KDM3B: variants seen among roughly 807,000 people sequenced by gnomAD.
KDM3B encodes lysine demethylase 3B, also known as lysine-specific demethylase 3B.
Under a neutral mutation model 170.0 loss-of-function variants are expected in KDM3B, and 10 were observed. The ratio of observed to expected loss-of-function variants is 0.06; its 90% CI spans 0.04 to 0.10. The LOEUF is 0.10. KDM3B is among the 10% of genes least tolerant of loss of function. The pLI, the probability that KDM3B is intolerant of heterozygous loss-of-function variation, is 1.00. For missense variants in KDM3B, 1,394 were observed against 2,195.2 expected (o/e 0.64, Z 7.29); for synonymous variants, 831 against 834.8 (o/e 1.00, Z 0.08).
intron 6 of KDM3B, among the ~76,000 whole-genome samples, chr5:138,383,576 A>G (rs1331120044): frequency 6.6e-6 from 1 of 152,240 alleles, no homozygotes; most frequent in East Asian, 1.9e-4. Flanking sequence ...TTAGAGATCC[A>G]TGATCACCTC....
intron 1 of KDM3B, among the ~76,000 whole-genome samples, chr5:138,360,522 TTG>T (rs55976818): frequency 0.4 from 55,160 of 137,700 alleles, 11,364 homozygotes; most frequent in East Asian, 0.78. Flanking sequence ...TAAAAAAAGA[TTG>T]TGTGTGTGTG....
rs914584814 is a variant in KDM3B at position 138,386,541 on chromosome 5, G to A, written c.1300G>A (p.Val434Met). The change falls in exon 7 of 24, where the codon GTG (valine) becomes ATG (methionine). Residue 434 changes from valine to methionine, a missense_variant. Around this residue, in one of 19 missense-constraint regions of KDM3B, gnomAD observed 205 missense variants for 227.6 expected, o/e 0.90. Coordinates refer to ENST00000314358, the MANE Select transcript of KDM3B (RefSeq NM_016604.4). ...VTTASSTPNTVRISDTGLAAG... is the reference protein window; with the variant it reads ...VTTASSTPNTMRISDTGLAAG... ...TACCGCCAGCTCCACCCCAAACACA[G>A]TGAGGATCTCAGACACTGGCCTTGC... The A allele has an allele frequency of 1.2e-6, 2 of 1,614,112 alleles. No individual in the cohort carries two copies. Among genetic ancestry groups the A allele is most frequent in the African/African-American group, 2.7e-5 (2 of 74,942 alleles).
chr5:138,420,932 CT>C lies in KDM3B; in HGVS notation c.3945del (p.Pro1317ArgfsTer10). On this transcript the variant is annotated frameshift_variant, in exon 15 of 24. Transcript: ENST00000314358. LOFTEE classifies it high-confidence loss of function. ...PQTPLDTGIP[F>X]PPVFSTSSAG... ...AAACCCCCTTGGACACAGGCATACC[CT>C]TTCCCCCGGTCTTCTCTACATCCTC... 1 of 1,614,040 alleles carries C rather than the reference CT, an allele frequency of 6.2e-7. No homozygotes were observed. Among genetic ancestry groups the C allele is most frequent in the Non-Finnish European group, 8.5e-7 (1 of 1,179,928 alleles).
intron 6 of KDM3B, among the ~76,000 whole-genome samples, chr5:138,384,016 G>A (rs111533661): frequency 0.01 from 1,586 of 151,462 alleles, 35 homozygotes; most frequent in African/African-American, 0.037. Context: ...CAACACTTTG[G>A]GAGGCCGAGG....
At chr5:138,389,377 G>T (rs538174093) in intron 7 of KDM3B, among the ~76,000 whole-genome samples, 44 of 152,190 alleles carry the variant, frequency 2.9e-4, no homozygotes, top group Middle Eastern at 3.4e-3. Context: ...TTAAAGAATA[G>T]TTTAATTAAA....
In KDM3B at chr5:138,391,123, C is replaced by T; in HGVS notation, c.1491C>T (p.Ala497=). 6.2e-7 allele frequency: 1 copy of T among 1,614,118 alleles called. No homozygotes were observed. ...SGRSQSNGVL[A]TENKPLGFSF... ...GGAGCCAGTCCAATGGTGTTCTAGC[C>T]ACAGAGAACAAACCTTTGGGCTTCT... The change falls in exon 8 of 24, where the codon GCC becomes GCT. Residue 497 remains alanine (A), a synonymous_variant. Coordinates refer to ENST00000314358, the MANE Select transcript of KDM3B (RefSeq NM_016604.4). The surrounding 1 kb of genome is among the most constrained non-coding windows in gnomAD (Gnocchi z 5.0).
At chr5:138,400,556 G>A (rs1762657482) in intron 11 of KDM3B, among the ~76,000 whole-genome samples, 1 of 151,960 alleles carries the variant, frequency 6.6e-6, no homozygotes, top group African/African-American at 2.4e-5. Context: ...GACCAGTCTG[G>A]GTAACACAGC....
chr5:138,374,906 A>AG (rs1226261463), intron 2 of KDM3B, among the ~76,000 whole-genome samples, 187 bp from the exon 3 acceptor site: 2 of 152,202 alleles, frequency 1.3e-5, no homozygotes, highest in Admixed American at 6.5e-5. Flanking sequence ...TGCATTAGTT[A>AG]GCTTCCCATG....
intron 11 of KDM3B, among the ~76,000 whole-genome samples, chr5:138,411,532 C>T (rs1239476425): frequency 6.6e-6 from 1 of 152,072 alleles, no homozygotes; most frequent in Non-Finnish European, 1.5e-5. Context: ...CTTTACCTCC[C>T]ACCATATACA....
intron 8 of KDM3B, 83 bp downstream of exon 8, chr5:138,392,344 C>A: frequency 7.5e-7 from 1 of 1,326,434 alleles, no homozygotes; most frequent in Non-Finnish European, 1.0e-6. Flanking sequence ...CAGAGGCACT[C>A]ACTTTGATGG....
At chr5:138,368,042 T>C (rs1350090787) in intron 1 of KDM3B, among the ~76,000 whole-genome samples, 2 of 151,492 alleles carry the variant, frequency 1.3e-5, no homozygotes, top group Non-Finnish European at 2.9e-5. Context: ...TCTCAAACTG[T>C]TTAACTGTTT....
chr5:138,412,915 G>T (rs1278421206), intron 11 of KDM3B, among the ~76,000 whole-genome samples: 2 of 152,178 alleles, frequency 1.3e-5, no homozygotes, highest in African/African-American at 4.8e-5. Flanking sequence ...AGTGCTACAG[G>T]TGTGAGCTAC....
intron 1 of KDM3B, 110 bp from the exon 2 acceptor site, chr5:138,372,559 CAAGTT>C: frequency 1.1e-6 from 1 of 884,496 alleles, no homozygotes. Context: ...AACTTAAACA[CAAGTT>C]AGAATTATTC....
intron 1 of KDM3B, among the ~76,000 whole-genome samples, chr5:138,354,590 C>T (rs1761407129): frequency 6.6e-6 from 1 of 152,196 alleles, no homozygotes; most frequent in Admixed American, 6.5e-5. Flanking sequence ...AATGGCTCCC[C>T]ATTCACTTTG....
At chr5:138,416,529 C>T (rs900184632) in intron 12 of KDM3B, among the ~76,000 whole-genome samples, 63 of 141,532 alleles carry the variant, frequency 4.5e-4, no homozygotes, top group African/African-American at 1.6e-3. Flanking sequence ...GCAGAGGTTG[C>T]AGTGAGCCAA....
chr5:138,382,049 C>T (rs539195420), intron 6 of KDM3B, among the ~76,000 whole-genome samples: 8 of 151,914 alleles, frequency 5.3e-5, no homozygotes, highest in African/African-American at 1.4e-4. Context: ...AAGCTGGTAC[C>T]TAGTTCAGTG....
intron 10 of KDM3B, among the ~76,000 whole-genome samples, chr5:138,398,892 T>TC (rs1376234275): frequency 2.7e-5 from 4 of 147,838 alleles, no homozygotes; most frequent in Non-Finnish European, 6.0e-5. Context: ...AATTTCTTTT[T>TC]TTTTTTTTTT....
intron 14 of KDM3B, among the ~76,000 whole-genome samples, chr5:138,420,310 G>A (rs1763240033): frequency 6.6e-6 from 1 of 152,236 alleles, no homozygotes; most frequent in Non-Finnish European, 1.5e-5. Context: ...TAAAAATGCA[G>A]ATTCCTGTGT....
At chr5:138,423,600 T>C (rs1360328998) in intron 15 of KDM3B, among the ~76,000 whole-genome samples, 1 of 152,156 alleles carries the variant, frequency 6.6e-6, no homozygotes, top group African/African-American at 2.4e-5. Context: ...TGCTACACCC[T>C]TCATTGAGGT....
Sources: gnomAD v4.1 joint callset for allele counts (sites outside exome capture counted in the v4.1 genomes callset) on GRCh38, gnomAD v4.1.1 for gene constraint, gnomAD v4.1.1 regional missense constraint, Gnocchi (gnomAD v3.1) non-coding constraint, MANE v1.5 for transcripts, NCBI Gene and HGNC (gene_info 2026-07-23, HGNC 2026-07-21) for gene names.